Variants in ACCSL observed in about 807,000 individuals in gnomAD.
The protein encoded by ACCSL is probable inactive 1-aminocyclopropane-1-carboxylate synthase-like protein 2.
In ACCSL, 55 loss-of-function variants were observed where a neutral mutation model predicts 61.7. The ratio of observed to expected loss-of-function variants is 0.89; its 90% CI spans 0.72 to 1.12. The LOEUF is 1.12. Among genes scored for constraint, ACCSL ranks in the 50% most tolerant of loss-of-function variants. ACCSL has a pLI of 0.00. For synonymous variants in ACCSL, 258 were observed against 264.3 expected, an observed-to-expected ratio of 0.98 and a Z score of 0.23; for missense variants, 632 against 698.0, an observed-to-expected ratio of 0.91 and a Z score of 1.07.
At chr11:43,940,707 C>T in the ACCSL span, among the ~76,000 whole-genome samples, 2 of 147,350 alleles carry the variant, frequency 1.4e-5, no homozygotes, top group Non-Finnish European at 1.5e-5. Flanking sequence ...GTGATTGTCC[C>T]CCCTTCCCAT....
the ACCSL span, chr11:43,944,546 G>A: frequency 6.5e-6 from 1 of 152,684 alleles, no homozygotes; most frequent in Admixed American, 6.5e-5. Context: ...AGAGCCTGAA[G>A]GGCACCTGGG....
intron 8 of ACCSL, 62 bp from the exon 9 acceptor site, chr11:44,055,140 T>G (rs1378068584): frequency 8.3e-7 from 1 of 1,202,664 alleles, no homozygotes; most frequent in Non-Finnish European, 1.2e-6. Flanking sequence ...GTAAAAAGCA[T>G]GCAAAGAAAA....
chr11:44,028,875 G>A, the ACCSL span, among the ~76,000 whole-genome samples: 2 of 152,256 alleles, frequency 1.3e-5, no homozygotes, highest in African/African-American at 4.8e-5. Context: ...GTAGAAAAAT[G>A]AGTTAGCTTA....
At chr11:43,993,187 A>G in the ACCSL span, among the ~76,000 whole-genome samples, 1 of 152,140 alleles carries the variant, frequency 6.6e-6, no homozygotes, top group Non-Finnish European at 1.5e-5. Context: ...CTGGGCTGAA[A>G]CAACCTGAGC....
rs111526609 is a variant in ACCSL at position 44,051,188 on chromosome 11, G to A, written c.636-147G>A. 3.3e-4 allele frequency: 263 copies of A among 787,118 alleles called. 2 individuals are homozygous for A. In the African/African-American group the frequency reaches 3.7e-3, roughly 11 times the overall value. 48.8% of individuals were successfully genotyped at this position (787,118 alleles called of 1,614,324 possible). On this transcript the variant is annotated intron_variant, in intron 3 of 13. Transcript: ENST00000378832. ...CTCTCATTTATTGTCTGTGTGACTT[G>A]GGGAGTTGATGGTCTTAGTCAGTAG...
At chr11:44,053,530 T>C (rs1039324751) in intron 8 of ACCSL, 24 bp downstream of exon 8, 42 of 1,584,046 alleles carry the variant, frequency 2.7e-5, no homozygotes, top group Non-Finnish European at 3.5e-5. Context: ...CCCTTGAGAC[T>C]AGGTAATGTT....
At chr11:44,002,446 C>T in the ACCSL span, among the ~76,000 whole-genome samples, 1 of 152,200 alleles carries the variant, frequency 6.6e-6, no homozygotes, top group African/African-American at 2.4e-5. Context: ...GGGAAATTCT[C>T]TCTGATGGTC....
chr11:44,037,595 G>T, the ACCSL span, among the ~76,000 whole-genome samples: 6 of 152,286 alleles, frequency 3.9e-5, no homozygotes, highest in South Asian at 1.2e-3. Context: ...CTGTAGTCAG[G>T]GTGCCCGCAG....
the ACCSL span, among the ~76,000 whole-genome samples, chr11:44,041,914 G>A: frequency 6.6e-5 from 10 of 152,198 alleles, no homozygotes; most frequent in South Asian, 2.1e-4. Flanking sequence ...GCTGAATTTC[G>A]TCAGGTATCT....
At chr11:44,047,325 T>C (rs1952605130), upstream of ACCSL, among the ~76,000 whole-genome samples, 1 of 152,166 alleles carries the variant, frequency 6.6e-6, no homozygotes, top group South Asian at 2.1e-4. Flanking sequence ...GCTTTGAGTA[T>C]CTGGTATGGC....
intron 6 of ACCSL, 69 bp downstream of exon 6, chr11:44,052,828 G>A: frequency 1.3e-6 from 2 of 1,530,098 alleles, no homozygotes; most frequent in Middle Eastern, 1.7e-4. Flanking sequence ...ACCTAAAGGG[G>A]TAGAGGGGCT....
chr11:43,929,165 T>C, the ACCSL span, among the ~76,000 whole-genome samples: 4 of 152,238 alleles, frequency 2.6e-5, no homozygotes, highest in African/African-American at 9.6e-5. Context: ...GCTATTCTTA[T>C]GAAATAGTGT....
chr11:43,932,716 G>A, the ACCSL span, among the ~76,000 whole-genome samples: 1 of 152,202 alleles, frequency 6.6e-6, no homozygotes, highest in East Asian at 1.9e-4. Flanking sequence ...CAGCACTTTT[G>A]TTTTGGTGCC....
At chr11:43,931,584 G>A in the ACCSL span, among the ~76,000 whole-genome samples, 1 of 152,190 alleles carries the variant, frequency 6.6e-6, no homozygotes, top group African/African-American at 2.4e-5. Flanking sequence ...GTGGCCTTGG[G>A]AAAGTTCCCT....
chr11:44,003,843 G>A, the ACCSL span, among the ~76,000 whole-genome samples: 11 of 152,158 alleles, frequency 7.2e-5, no homozygotes, highest in Non-Finnish European at 1.5e-4. Flanking sequence ...CGGGGGCTGT[G>A]GGTCTGGGCT....
At chr11:44,045,836 A>C (rs187541028), upstream of ACCSL, among the ~76,000 whole-genome samples, 17 of 152,324 alleles carry the variant, frequency 1.1e-4, no homozygotes, top group African/African-American at 4.1e-4. Flanking sequence ...GAGCTGTCCC[A>C]TCTTTGACTT....
the ACCSL span, among the ~76,000 whole-genome samples, chr11:43,990,686 T>C: frequency 2.0e-5 from 3 of 152,214 alleles, no homozygotes; most frequent in Admixed American, 6.5e-5. Context: ...TTCTTTGGGA[T>C]TGCTTCTGCC....
the ACCSL span, among the ~76,000 whole-genome samples, chr11:43,975,763 G>A: frequency 6.6e-6 from 1 of 152,178 alleles, no homozygotes; most frequent in African/African-American, 2.4e-5. Flanking sequence ...CAAAGCTACT[G>A]ATCTTCAAAC....
At chr11:44,030,220 A>G in the ACCSL span, among the ~76,000 whole-genome samples, 1 of 151,080 alleles carries the variant, frequency 6.6e-6, no homozygotes. Context: ...GAACACTAGT[A>G]GTGATTCCTC....
Sources: gnomAD v4.1 joint callset for allele counts (sites outside exome capture counted in the v4.1 genomes callset) on GRCh38, gnomAD v4.1.1 for gene constraint, MANE v1.5 for transcripts, NCBI Gene and HGNC (gene_info 2026-07-23, HGNC 2026-07-21) for gene names.